The following SLC6A20 variants were observed in gnomAD, a reference collection of about 807,000 sequenced individuals.
The protein encoded by SLC6A20 is solute carrier family 6 member 20, also known as sodium- and chloride-dependent transporter XTRP3.
A neutral mutation model predicts 64.3 loss-of-function variants in SLC6A20; 73 were observed. That is an observed-to-expected ratio of 1.14 (90% confidence interval 0.94 to 1.38). The LOEUF (loss-of-function observed/expected upper bound fraction) is 1.38, where lower values mean the gene tolerates loss of function less well. Ranked by LOEUF, SLC6A20 falls within the 40% of genes most tolerant of loss-of-function variation. SLC6A20 has a pLI of 0.00. For missense variants in SLC6A20, 725 were observed against 772.8 expected (o/e 0.94, Z 0.73); for synonymous variants, 347 against 329.6 (o/e 1.05, Z -0.57).
chr3:45,771,302 T>C lies in SLC6A20; in HGVS notation c.850A>G (p.Ser284Gly), dbSNP rs1699860413. 1 of 1,614,094 alleles carries C rather than the reference T, an allele frequency of 6.2e-7. No homozygotes were observed. Among genetic ancestry groups the C allele is most frequent in the Admixed American group, 1.7e-5 (1 of 60,006 alleles). The change falls in exon 6 of 11, where the codon AGC becomes GGC. Residue 284 changes from serine (S) to glycine (G), a missense_variant. Ser to Gly is a moderately conservative substitution (Grantham distance 56). Transcript: ENST00000358525. ...ATGCTGGCAAATATGGAGGTGAAGCTGTTGATGAGGGACACGATGATGGCG... is the reference window on the plus strand; with the variant it reads ...ATGCTGGCAAATATGGAGGTGAAGCCGTTGATGAGGGACACGATGATGGCG... ...KHAIIVSLIN[S>G]FTSIFASIVT...
chr3:45,758,928 C>G lies in SLC6A20; in HGVS notation c.*50G>C. 1 of 1,530,936 alleles carries G rather than the reference C, an allele frequency of 6.5e-7. No individual in the cohort carries two copies. The highest frequency in any genetic ancestry group is 8.8e-7 in the Non-Finnish European group (1 of 1,138,256). The allele number at this position is 1,530,936 out of a possible 1,614,324, so 94.8% of individuals were successfully genotyped here. On this transcript the variant is annotated 3_prime_UTR_variant, in exon 11 of 11. Transcript: ENST00000358525. ...TTTGAAAAAGCAGCCGAGGAGTTTC[C>G]GCCTGTAAATAGTATCTGTAAAACC... is the stretch of plus-strand genomic sequence containing the variant.
intron 3 of SLC6A20, among the ~76,000 whole-genome samples, chr3:45,779,773 C>T (rs958153669): frequency 1.1e-4 from 17 of 152,238 alleles, no homozygotes; most frequent in Admixed American, 3.3e-4. Flanking sequence ...TCCAAGAACA[C>T]GCACACTCTC....
At chr3:45,772,922 T>C (rs1699901005) in intron 4 of SLC6A20, among the ~76,000 whole-genome samples, 1 of 152,122 alleles carries the variant, frequency 6.6e-6, no homozygotes. Context: ...CTGGAAAGGA[T>C]TTGAGGTTAC....
intron 7 of SLC6A20, among the ~76,000 whole-genome samples, chr3:45,768,530 G>A (rs1423206429): frequency 6.6e-6 from 1 of 152,218 alleles, no homozygotes; most frequent in Non-Finnish European, 1.5e-5. Flanking sequence ...CCTAGGCCTT[G>A]AGGGCTGGGG....
chr3:45,796,504 C>G lies in SLC6A20; in HGVS notation c.-85G>C. 3.5e-6 allele frequency: 5 copies of G among 1,420,696 alleles called. No individual in the cohort carries two copies. The highest frequency in any genetic ancestry group is 4.6e-6 in the Non-Finnish European group (5 of 1,075,790). The allele number at this position is 1,420,696 out of a possible 1,614,324, so 88.0% of individuals were successfully genotyped here. On this transcript the variant is annotated 5_prime_UTR_variant, in exon 1 of 11. Transcript: ENST00000358525. ...GCGGTCGCCAGGCGCGCCGTCCCAC[C>G]CCGGCTCGGCTTGGGGGTGGCCCCG...
chr3:45,766,898 G>A (rs1699786009), intron 7 of SLC6A20, among the ~76,000 whole-genome samples: 1 of 152,182 alleles, frequency 6.6e-6, no homozygotes, highest in African/African-American at 2.4e-5. Flanking sequence ...AGCACTTTGG[G>A]AGGCTTAGGT....
Position 45,782,100 on chromosome 3 carries a change from G to A in SLC6A20, c.245C>T (p.Pro82Leu), listed in dbSNP as rs753450016. ...CCACGTACCGACACCACTGAGGTAC[G>A]GGCTGATGGTCCTCCAGGCGCCGAT... ...GSIGAWRTIS[P>L]YLSGVGVASV... The change falls in exon 2 of 11, where the codon CCG becomes CTG. Residue 82 changes from proline (P) to leucine (L), a missense_variant. Transcript: ENST00000358525. The A allele has an allele frequency of 7.1e-5, 114 of 1,611,762 alleles. No individual in the cohort carries two copies. Among genetic ancestry groups the A allele is most frequent in the Non-Finnish European group, 8.9e-5 (105 of 1,179,046 alleles).
chr3:45,776,101 T>G, intron 3 of SLC6A20, 113 bp from the exon 4 acceptor site: 1 of 1,018,200 alleles, frequency 9.8e-7, no homozygotes, highest in East Asian at 2.5e-5. Flanking sequence ...AGGGTGCTGG[T>G]CCCCGAAGGG....
Position 45,758,184 on chromosome 3 carries a change from T to C in SLC6A20, c.*794A>G, listed in dbSNP as rs1699583704. 4.9e-6 allele frequency: 1 copy of C among 202,626 alleles called. No individual in the cohort carries two copies. The highest frequency in any genetic ancestry group is 1.0e-5 in the Non-Finnish European group (1 of 97,906). 12.6% of individuals were successfully genotyped at this position (202,626 alleles called of 1,614,324 possible). ...CCACCCACCTTGACCCCCAAGGTGC[T>C]AGGATTACAGGCGTGAGCCACCGTG... On this transcript the variant is annotated 3_prime_UTR_variant, in exon 11 of 11. Transcript: ENST00000358525.
Position 45,759,029 on chromosome 3 carries a change from C to T in SLC6A20, c.1728G>A (p.Gly576=). Residue 576 remains glycine (G), a synonymous_variant, in exon 11 of 11, where the codon GGG becomes GGA. Transcript: ENST00000358525. ...STMCIPLAAL[G]TFVQRRLKRG... ...TCTTGAGGCGACGCTGAACAAAAGT[C>T]CCCAGGGCCGCCAGGGGGATGCACA... The T allele has an allele frequency of 6.2e-7, 1 of 1,612,892 alleles. No individual in the cohort carries two copies. Among genetic ancestry groups the T allele is most frequent in the Non-Finnish European group, 8.5e-7 (1 of 1,179,514 alleles).
rs553961710 is a variant in SLC6A20 at position 45,792,604 on chromosome 3, C to T, written c.121+3695G>A. On this transcript the variant is annotated intron_variant, in intron 1 of 10. Transcript: ENST00000358525. ...ACTTTACAGGTAAACAGCTGCAGCA[C>T]TGTTCCCTGATCCATCCATGGACTG... Among the ~76,000 whole-genome samples the T allele has an allele frequency of 4.0e-4, 61 of 152,348 alleles. 1 individual carries two copies. The highest frequency in any genetic ancestry group is 1.5e-3 in the African/African-American group (61 of 41,582).
intron 3 of SLC6A20, among the ~76,000 whole-genome samples, chr3:45,779,571 C>T (rs949055912): frequency 2.6e-5 from 4 of 152,110 alleles, no homozygotes; most frequent in African/African-American, 9.7e-5. Flanking sequence ...CACGAGTGGC[C>T]CTGAGGAAAG....
intron 5 of SLC6A20, 133 bp from the exon 6 acceptor site, chr3:45,771,591 G>T: frequency 2.1e-6 from 3 of 1,410,958 alleles, no homozygotes; most frequent in South Asian, 1.4e-5. Context: ...CACCCCTAGG[G>T]CTGGAGACCA....
Position 45,759,857 on chromosome 3 carries a change from C to T in SLC6A20, c.1629G>A (p.Gln543=). 6 of 1,612,552 alleles carry T rather than the reference C, an allele frequency of 3.7e-6. No individual in the cohort carries two copies. Among genetic ancestry groups the T allele is most frequent in the Non-Finnish European group, 4.2e-6 (5 of 1,179,276 alleles). ...TLKYQAWDAS[Q]GQLVTKDYPA... ...CCAGCCCTACGGAGACAGTAGATAC[C>T]TGGGAGGCGTCCCAGGCTTGATACT... is the stretch of plus-strand genomic sequence containing the variant. Residue 543 remains glutamine (Q), a splice_region_variant and synonymous_variant, in exon 10 of 11, where the codon CAG becomes CAA. Coordinates refer to ENST00000358525, the MANE Select transcript of SLC6A20 (RefSeq NM_020208.4).
intron 4 of SLC6A20, 90 bp from the exon 5 acceptor site, chr3:45,772,705 T>G: frequency 2.9e-6 from 3 of 1,041,668 alleles, no homozygotes; most frequent in Non-Finnish European, 4.3e-6. Flanking sequence ...ATCTGGGGTA[T>G]TCAGGCTGCA....
intron 6 of SLC6A20, 101 bp downstream of exon 6, chr3:45,771,116 G>A: frequency 6.6e-7 from 1 of 1,525,296 alleles, no homozygotes; most frequent in Non-Finnish European, 8.9e-7. Context: ...CCTGGATTGA[G>A]GACTCCAAAA....
At chr3:45,779,683 C>T (rs888672528) in intron 3 of SLC6A20, among the ~76,000 whole-genome samples, 3 of 152,230 alleles carry the variant, frequency 2.0e-5, no homozygotes, top group Non-Finnish European at 4.4e-5. Flanking sequence ...CTCCTAGGCA[C>T]ACTGTGCAGT....
intron 7 of SLC6A20, among the ~76,000 whole-genome samples, chr3:45,768,001 A>C (rs1699802785): frequency 6.6e-6 from 1 of 152,186 alleles, no homozygotes; most frequent in Non-Finnish European, 1.5e-5. Flanking sequence ...TTAAGGAAAA[A>C]CCTTTGGAGA....
chr3:45,793,311 C>T (rs1405509254), intron 1 of SLC6A20, among the ~76,000 whole-genome samples: 4 of 152,108 alleles, frequency 2.6e-5, no homozygotes, highest in Non-Finnish European at 5.9e-5. Context: ...ATGTTTCTTC[C>T]GTGCACAGGT....
Sources: allele counts gnomAD v4.1 joint callset (sites outside exome capture counted in the v4.1 genomes callset), GRCh38; gene constraint gnomAD v4.1.1; transcripts MANE v1.5; gene names NCBI Gene and HGNC (gene_info 2026-07-23, HGNC 2026-07-21).